Variants in NDUFB2 observed in about 807,000 individuals in gnomAD.
NDUFB2 encodes NADH:ubiquinone oxidoreductase subunit B2, also known as NADH dehydrogenase [ubiquinone] 1 beta subcomplex subunit 2, mitochondrial.
Under a neutral mutation model 13.4 loss-of-function variants are expected in NDUFB2, and 13 were observed. That is an observed-to-expected ratio of 0.97 (90% CI 0.63 to 1.54). The LOEUF (loss-of-function observed/expected upper bound fraction) is 1.54. NDUFB2 is among the 40% of genes most tolerant of loss of function. The pLI is 0.00. For missense variants in NDUFB2, 150 were observed against 139.7 expected (o/e 1.07, Z -0.37); for synonymous variants, 47 against 50.6 (o/e 0.93, Z 0.30).
chr7:140,699,646 C>T (rs1273535190), intron 1 of NDUFB2, among the ~76,000 whole-genome samples: 1 of 152,026 alleles, frequency 6.6e-6, no homozygotes, highest in African/African-American at 2.4e-5. Flanking sequence ...TCTCTTTCCC[C>T]ACACCTCATG....
intron 2 of NDUFB2, 21 bp from the exon 3 acceptor site, chr7:140,704,839 C>A (rs747122921): frequency 6.7e-7 from 1 of 1,493,548 alleles, no homozygotes; most frequent in Non-Finnish European, 9.0e-7. Context: ...ACTTTTCTTT[C>A]TTTTAAATGG....
intron 1 of NDUFB2, among the ~76,000 whole-genome samples, chr7:140,701,613 C>T (rs1486721683): frequency 6.6e-6 from 1 of 151,614 alleles, no homozygotes; most frequent in Non-Finnish European, 1.5e-5. Context: ...GCACTCTAGC[C>T]TGGGCGACAG....
At chr7:140,700,419 G>A (rs902862172) in intron 1 of NDUFB2, among the ~76,000 whole-genome samples, 1 of 151,470 alleles carries the variant, frequency 6.6e-6, no homozygotes, top group African/African-American at 2.4e-5. Context: ...CACCGTGTCC[G>A]GCCTTCAAAT....
At chr7:140,698,984 C>T (rs1379981475) in intron 1 of NDUFB2, among the ~76,000 whole-genome samples, 1 of 152,018 alleles carries the variant, frequency 6.6e-6, no homozygotes, top group African/African-American at 2.4e-5. Flanking sequence ...ACGGTGAAAC[C>T]CCATCTCTAC....
At chr7:140,698,079 TG>T in intron 1 of NDUFB2, 10 of 1,335,764 alleles carry the variant, frequency 7.5e-6, no homozygotes, top group Non-Finnish European at 9.9e-6. Context: ...ATTAAGGAAC[TG>T]AGGCCCAGGA....
At chr7:140,697,483 C>G in intron 1 of NDUFB2, 1 of 693,488 alleles carries the variant, frequency 1.4e-6, no homozygotes, top group Non-Finnish European at 2.6e-6. Context: ...TGGCCCGAGA[C>G]GCAGACCGGA....
rs1362031362 is a variant in NDUFB2, at chr7:140,697,307, A to G, written c.98+465A>G. On this transcript the variant is annotated intron_variant, in intron 1 of 3. Coordinates refer to ENST00000247866, the MANE Select transcript of NDUFB2 (RefSeq NM_004546.3). Reference sequence around the variant, plus strand: ...AGTCTGTTCGGCAGCCTTTAATCGGAGACGTCACGTGGCCGCTTTTTAATG... The same window carrying G: ...AGTCTGTTCGGCAGCCTTTAATCGGGGACGTCACGTGGCCGCTTTTTAATG... 5 of 702,718 alleles carry G rather than the reference A, an allele frequency of 7.1e-6. No homozygotes were observed. The African/African-American group carries it at 8.7e-5, about 12-fold the overall frequency. 43.5% of individuals were successfully genotyped at this position (702,718 alleles called of 1,614,324 possible).
intron 1 of NDUFB2, chr7:140,697,400 A>G: frequency 1.4e-6 from 1 of 702,552 alleles, no homozygotes. Flanking sequence ...GGGTGAGAGG[A>G]GCAGAAAGCC....
chr7:140,697,399 G>A (rs762528025), intron 1 of NDUFB2: 4 of 702,760 alleles, frequency 5.7e-6, no homozygotes, highest in Admixed American at 2.0e-5. Flanking sequence ...CGGGTGAGAG[G>A]AGCAGAAAGC....
chr7:140,698,204 G>A, intron 1 of NDUFB2: 2 of 1,352,090 alleles, frequency 1.5e-6, no homozygotes, highest in Non-Finnish European at 2.0e-6. Context: ...GACAGTGATG[G>A]AGAGCCATGA....
At chr7:140,697,229 C>T (rs1794823709) in intron 1 of NDUFB2, 1 of 680,040 alleles carries the variant, frequency 1.5e-6, no homozygotes, top group Non-Finnish European at 2.7e-6. Context: ...GCGGTGAGGC[C>T]TAGGGAGGGC....
intron 1 of NDUFB2, chr7:140,700,899 A>G (rs2130800552): frequency 6.6e-6 from 1 of 152,334 alleles, no homozygotes; most frequent in Admixed American, 6.5e-5. Flanking sequence ...TATAATTGGT[A>G]TATGAGGACA....
Position 140,702,953 on chromosome 7 carries a change from C to T in NDUFB2, c.186C>T (p.Ser62=), listed in dbSNP as rs147835245. The T allele has an allele frequency of 7.4e-5, 119 of 1,613,974 alleles. 1 individual carries two copies. In the Middle Eastern group the frequency reaches 2.1e-3, roughly 29 times the overall value. ...RSQVFQSEFF[S]GLMWFWILWR... ...AGGTGTTCCAGAGCGAGTTCTTCAG[C>T]GGACTCATGTGGTTCTGGATTCTCT... Residue 62 remains serine (S), a synonymous_variant, in exon 2 of 4, where the codon AGC becomes AGT. Transcript: ENST00000247866.
rs922612532 is a variant in NDUFB2, at chr7:140,697,275, A to G, written c.98+433A>G. On this transcript the variant is annotated intron_variant, in intron 1 of 3. Coordinates refer to ENST00000247866, the MANE Select transcript of NDUFB2 (RefSeq NM_004546.3). ...GTCCCGGTGCCTGGCTGCGGAATTT[A>G]GGGTAGAGTCTGTTCGGCAGCCTTT... 4 of 701,774 alleles carry G rather than the reference A, an allele frequency of 5.7e-6. No individual in the cohort carries two copies. The African/African-American group carries it at 7.0e-5, about 12-fold the overall frequency. 43.5% of individuals were successfully genotyped at this position (701,774 alleles called of 1,614,324 possible).
rs1331592066 is a variant in NDUFB2, at chr7:140,696,757, A to C, written c.13A>C (p.Thr5Pro). 1 of 1,598,792 alleles carries C rather than the reference A, an allele frequency of 6.3e-7. No homozygotes were observed. Among genetic ancestry groups the C allele is most frequent in the Admixed American group, 1.7e-5 (1 of 57,950 alleles). MSAL[T>P]RLASFARVGG... Reference sequence around the variant, plus strand: ...GACGGGAGCGAGTATGTCCGCTCTGACTCGGCTGGCGTCTTTCGCTCGCGT... The same window carrying C: ...GACGGGAGCGAGTATGTCCGCTCTGCCTCGGCTGGCGTCTTTCGCTCGCGT... Residue 5 changes from threonine to proline, a missense_variant, in exon 1 of 4, where the codon ACT becomes CCT. Transcript: ENST00000247866.
chr7:140,705,053 C>A, intron 3 of NDUFB2, 90 bp downstream of exon 3: 3 of 599,660 alleles, frequency 5.0e-6, no homozygotes, highest in Non-Finnish European at 8.1e-6. Flanking sequence ...CTTGAAAAAA[C>A]TGCATATTCT....
intron 3 of NDUFB2, among the ~76,000 whole-genome samples, chr7:140,705,836 T>C (rs945170018): frequency 6.6e-6 from 1 of 152,176 alleles, no homozygotes; most frequent in Non-Finnish European, 1.5e-5. Flanking sequence ...TATATAGAAC[T>C]ATATGAAAAC....
intron 1 of NDUFB2, among the ~76,000 whole-genome samples, chr7:140,700,374 C>G (rs113327962): frequency 6.6e-6 from 1 of 151,148 alleles, no homozygotes; most frequent in East Asian, 2.0e-4. Flanking sequence ...CCGCCTGCCT[C>G]GGCCTCCCAA....
At chr7:140,699,556 C>T (rs1165109183) in intron 1 of NDUFB2, among the ~76,000 whole-genome samples, 2 of 152,134 alleles carry the variant, frequency 1.3e-5, no homozygotes, top group Non-Finnish European at 2.9e-5. Flanking sequence ...TTCTTGTTCA[C>T]CCTTTTACCA....
Sources: allele counts gnomAD v4.1 joint callset (sites outside exome capture counted in the v4.1 genomes callset), GRCh38; gene constraint gnomAD v4.1.1; transcripts MANE v1.5; gene names NCBI Gene and HGNC (gene_info 2026-07-23, HGNC 2026-07-21).